Variants in TRAT1 observed in about 807,000 individuals in gnomAD.
The protein encoded by TRAT1 is T cell receptor associated transmembrane adaptor 1.
A neutral mutation model predicts 20.0 loss-of-function variants in TRAT1; 20 were observed. The ratio of observed to expected loss-of-function variants is 1.00; its 90% CI spans 0.70 to 1.45. The LOEUF (loss-of-function observed/expected upper bound fraction) is 1.45, where lower values mean the gene tolerates loss of function less well. TRAT1 is among the 40% of genes most tolerant of loss of function. The pLI is 0.00. For synonymous variants in TRAT1, 77 were observed against 74.2 expected (o/e 1.04, Z -0.20); for missense variants, 237 against 224.1 (o/e 1.06, Z -0.37).
At chr3:108,849,507 T>A (rs1051561495) in intron 5 of TRAT1, among the ~76,000 whole-genome samples, 4 of 152,228 alleles carry the variant, frequency 2.6e-5, no homozygotes, top group African/African-American at 9.7e-5. Context: ...TATTAAGCTT[T>A]TTCTTTCTGA....
intron 5 of TRAT1, among the ~76,000 whole-genome samples, chr3:108,851,380 C>T (rs985201976): frequency 4.6e-5 from 7 of 152,174 alleles, no homozygotes; most frequent in Middle Eastern, 3.2e-3. Context: ...AATCCCAAAA[C>T]ATTTGAAAAA....
chr3:108,849,500 T>C (rs1471725477), intron 5 of TRAT1, among the ~76,000 whole-genome samples: 1 of 152,210 alleles, frequency 6.6e-6, no homozygotes, highest in Non-Finnish European at 1.5e-5. Context: ...AGTAATCTAT[T>C]AAGCTTTTTC....
chr3:108,839,045 G>T (rs752909247), intron 3 of TRAT1, 78 bp downstream of exon 3: 6 of 1,128,974 alleles, frequency 5.3e-6, no homozygotes, highest in Middle Eastern at 2.0e-4. Flanking sequence ...TTAAAGATTT[G>T]GCTCATGGAT....
intron 5 of TRAT1, among the ~76,000 whole-genome samples, chr3:108,853,326 G>T (rs1460841572): frequency 6.6e-6 from 1 of 152,176 alleles, no homozygotes; most frequent in East Asian, 1.9e-4. Flanking sequence ...GGTGGAGGTG[G>T]AGGTAGAGGC....
chr3:108,825,715 C>T (rs147566731), intron 1 of TRAT1, among the ~76,000 whole-genome samples: 77 of 152,190 alleles, frequency 5.1e-4, no homozygotes, highest in African/African-American at 1.7e-3. Flanking sequence ...AATCATTATT[C>T]GGCACTTTCC....
At chr3:108,829,875 T>TACTATGCTTTTA (rs1349587781) in intron 1 of TRAT1, among the ~76,000 whole-genome samples, 1 of 152,210 alleles carries the variant, frequency 6.6e-6, no homozygotes. Flanking sequence ...GTATTTACTA[T>TACTATGCTTTTA]ACTATGCTTT....
At chr3:108,825,392 A>T (rs145115704) in intron 1 of TRAT1, among the ~76,000 whole-genome samples, 1 of 152,196 alleles carries the variant, frequency 6.6e-6, no homozygotes, top group Non-Finnish European at 1.5e-5. Flanking sequence ...TTAAATAATG[A>T]TTCACAATTT....
intron 1 of TRAT1, among the ~76,000 whole-genome samples, chr3:108,824,640 C>T (rs1371632651): frequency 6.6e-6 from 1 of 152,166 alleles, no homozygotes; most frequent in Non-Finnish European, 1.5e-5. Context: ...TTCCATTGTT[C>T]TGTTTGATGG....
At chr3:108,850,246 G>C (rs192603512) in intron 5 of TRAT1, among the ~76,000 whole-genome samples, 134 of 151,946 alleles carry the variant, frequency 8.8e-4, no homozygotes, top group African/African-American at 3.1e-3. Flanking sequence ...AAATTTCCCA[G>C]TGAGGTAGAA....
chr3:108,843,756 C>A (rs1263346579), intron 3 of TRAT1, among the ~76,000 whole-genome samples: 1 of 152,170 alleles, frequency 6.6e-6, no homozygotes, highest in Non-Finnish European at 1.5e-5. Flanking sequence ...GTCAAGGTTA[C>A]CATGATCAAA....
At chr3:108,835,292 G>A (rs965416668) in intron 2 of TRAT1, among the ~76,000 whole-genome samples, 1 of 152,322 alleles carries the variant, frequency 6.6e-6, no homozygotes, top group East Asian at 1.9e-4. Context: ...TCACAGGAGA[G>A]GATTATGAGA....
At chr3:108,840,537 T>TAAA (rs5851619) in intron 3 of TRAT1, among the ~76,000 whole-genome samples, 2 of 137,128 alleles carry the variant, frequency 1.5e-5, no homozygotes, top group Non-Finnish European at 1.6e-5. Context: ...AGGGCAAATG[T>TAAA]AAAAAAAAAA....
intron 5 of TRAT1, among the ~76,000 whole-genome samples, chr3:108,853,341 A>G (rs1446288952): frequency 6.6e-6 from 1 of 152,216 alleles, no homozygotes; most frequent in Non-Finnish European, 1.5e-5. Flanking sequence ...AGAGGCAGGT[A>G]AGAATCAACC....
At chr3:108,848,469 CT>C (rs1204097018) in intron 4 of TRAT1, among the ~76,000 whole-genome samples, 1 of 152,128 alleles carries the variant, frequency 6.6e-6, no homozygotes, top group African/African-American at 2.4e-5. Context: ...TTTCTTCTTC[CT>C]TTTAAATGGA....
intron 1 of TRAT1, among the ~76,000 whole-genome samples, chr3:108,828,539 G>A (rs1945763465): frequency 6.6e-6 from 1 of 152,102 alleles, no homozygotes; most frequent in South Asian, 2.1e-4. Context: ...TAGCAAAAAT[G>A]TACCAGTTCT....
rs202222006 is a variant in TRAT1, at chr3:108,825,418, A to AT, written c.7+2492dup. Reference sequence around the variant, plus strand: ...TTCACAATTTAGTTTACTCATCTTCATTTTTTTTAAAAAAAAGGAGTCTCA... The same window carrying AT: ...TTCACAATTTAGTTTACTCATCTTCATTTTTTTTTAAAAAAAAGGAGTCTCA... On this transcript the variant is annotated intron_variant, in intron 1 of 5. Coordinates refer to ENST00000295756, the MANE Select transcript of TRAT1 (RefSeq NM_016388.4). Among the ~76,000 whole-genome samples the AT allele has an allele frequency of 3.7e-4, 56 of 151,920 alleles. No individual in the cohort carries two copies. In the East Asian group the frequency reaches 8.7e-3, roughly 24 times the overall value.
intron 5 of TRAT1, among the ~76,000 whole-genome samples, chr3:108,851,920 T>C (rs979767537): frequency 1.1e-4 from 16 of 152,298 alleles, no homozygotes; most frequent in Admixed American, 5.2e-4. Context: ...CTTTCAGTTA[T>C]AAATGAAGAA....
chr3:108,840,140 C>A (rs1214310829), intron 3 of TRAT1, among the ~76,000 whole-genome samples: 3 of 151,936 alleles, frequency 2.0e-5, no homozygotes, highest in South Asian at 2.1e-4. Flanking sequence ...GTGAAAATTT[C>A]TTGAGCAAGT....
chr3:108,838,243 T>A (rs974770745), intron 2 of TRAT1, among the ~76,000 whole-genome samples: 5 of 152,176 alleles, frequency 3.3e-5, no homozygotes, highest in African/African-American at 1.2e-4. Flanking sequence ...ACAATGTGGA[T>A]GAAATGAAGT....
Sources: gnomAD v4.1 joint callset for allele counts (sites outside exome capture counted in the v4.1 genomes callset) on GRCh38, gnomAD v4.1.1 for gene constraint, MANE v1.5 for transcripts, NCBI Gene and HGNC (gene_info 2026-07-23, HGNC 2026-07-21) for gene names.